FBP2: variants seen among roughly 807,000 people sequenced by gnomAD.
The protein encoded by FBP2 is fructose-bisphosphatase 2.
Under a neutral mutation model 31.6 loss-of-function variants are expected in FBP2, and 27 were observed. The observed-to-expected ratio is 0.85, with a 90% CI of 0.63 to 1.18. The LOEUF is 1.18. Among genes scored for constraint, FBP2 ranks in the 50% most tolerant of loss-of-function variants. FBP2 has a pLI of 0.00. For synonymous variants in FBP2, 168 were observed against 179.8 expected, an observed-to-expected ratio of 0.93 and a Z score of 0.53; for missense variants, 421 against 436.1, an observed-to-expected ratio of 0.97 and a Z score of 0.31.
chr9:94,564,711 A>G (rs1010444490), intron 5 of FBP2, among the ~76,000 whole-genome samples: 3 of 152,116 alleles, frequency 2.0e-5, no homozygotes, highest in African/African-American at 4.8e-5. Flanking sequence ...AGTATTGGAT[A>G]CCAGGTTTAG....
intron 3 of FBP2, among the ~76,000 whole-genome samples, chr9:94,581,595 T>C (rs1403039084): frequency 6.6e-6 from 1 of 152,072 alleles, no homozygotes; most frequent in Non-Finnish European, 1.5e-5. Context: ...CCTGGGAAGG[T>C]AACCATACCA....
At chr9:94,569,786 C>T (rs989347489) in intron 4 of FBP2, 1 of 152,178 alleles carries the variant, frequency 6.6e-6, no homozygotes, top group East Asian at 1.9e-4. Context: ...AGGAGGTGGT[C>T]TCTCTGTGCC....
intron 5 of FBP2, among the ~76,000 whole-genome samples, chr9:94,566,039 C>A (rs1240957968): frequency 6.6e-6 from 1 of 152,210 alleles, no homozygotes; most frequent in African/African-American, 2.4e-5. Flanking sequence ...CCGTAGAGTT[C>A]TTCTCCACCA....
At chr9:94,570,658 A>G (rs1392339034) in intron 4 of FBP2, 1 of 152,250 alleles carries the variant, frequency 6.6e-6, no homozygotes, top group Non-Finnish European at 1.5e-5. Flanking sequence ...TTGGGGCATT[A>G]GCAAACTGAC....
Position 94,559,043 on chromosome 9 carries a change from G to A in FBP2, c.915C>T (p.Asp305=), listed in dbSNP as rs560809669. The change falls in exon 7 of 7, where the codon GAC becomes GAT. Residue 305 remains aspartate (D), a synonymous_variant. Coordinates refer to ENST00000375337, the MANE Select transcript of FBP2 (RefSeq NM_003837.4). ...LATTGTQPVL[D]VKPEAIHQRV... ...GCTGGTGAATTGCCTCGGGCTTCAC[G>A]TCCAGTACAGGCTGGGTCCCCGTGG... 18 of 1,614,070 alleles carry A rather than the reference G, an allele frequency of 1.1e-5. No individual in the cohort carries two copies. The highest frequency in any genetic ancestry group is 4.5e-5 in the East Asian group (2 of 44,860).
At chr9:94,571,979 C>G (rs1284352981) in intron 3 of FBP2, among the ~76,000 whole-genome samples, 1 of 152,172 alleles carries the variant, frequency 6.6e-6, no homozygotes, top group Non-Finnish European at 1.5e-5. Flanking sequence ...CTCAACAGCC[C>G]TTTGGGGCAG....
intron 2 of FBP2, among the ~76,000 whole-genome samples, chr9:94,586,203 C>A (rs185710547): frequency 2.6e-5 from 4 of 152,006 alleles, no homozygotes; most frequent in Non-Finnish European, 5.9e-5. Context: ...GGCGAAACCC[C>A]GTCTCTACTA....
At chr9:94,565,289 C>T (rs955124281) in intron 5 of FBP2, among the ~76,000 whole-genome samples, 10 of 147,888 alleles carry the variant, frequency 6.8e-5, no homozygotes, top group African/African-American at 2.3e-4. Context: ...GCAGGAGAAT[C>T]GCTTGAACCA....
rs1827405483 is a variant in FBP2, at chr9:94,584,582, T to C, written c.421A>G (p.Arg141Gly). The C allele has an allele frequency of 6.2e-7, 1 of 1,607,162 alleles. No individual in the cohort carries two copies. Among genetic ancestry groups the C allele is most frequent in the Non-Finnish European group, 8.5e-7 (1 of 1,173,666 alleles). ...ATGTCAGCCTGTCTACTCACCTTTC[T>C]ATAGATGGCAAAGATGGTTCCGATG... The part of the protein sequence containing the change: ...ASIGTIFAIY[R>G]KTSEDEPSEK... Residue 141 changes from arginine (R) to glycine (G), a missense_variant, in exon 3 of 7, where the codon AGA becomes GGA. By Grantham distance (125) the Arg-to-Gly change is moderately radical (BLOSUM62 -2). Coordinates refer to ENST00000375337, the MANE Select transcript of FBP2 (RefSeq NM_003837.4).
chr9:94,582,845 GCCC>G (rs1220266900), intron 3 of FBP2, among the ~76,000 whole-genome samples: 1 of 136,802 alleles, frequency 7.3e-6, no homozygotes, highest in African/African-American at 2.8e-5. Context: ...ACCCTTCCCA[GCCC>G]CCTTTTTTTT....
intron 1 of FBP2, among the ~76,000 whole-genome samples, chr9:94,591,201 C>T (rs955712983): frequency 3.3e-5 from 5 of 152,252 alleles, no homozygotes; most frequent in African/African-American, 9.6e-5. Context: ...GGGGGTGGCG[C>T]TCGTCGGGGA....
chr9:94,592,526 G>A (rs1009632224), intron 1 of FBP2, among the ~76,000 whole-genome samples: 1 of 152,032 alleles, frequency 6.6e-6, no homozygotes, highest in African/African-American at 2.4e-5. Context: ...AGAAAGCTGG[G>A]GTTTTGTTTG....
chr9:94,561,686 A>G (rs1827106868), intron 6 of FBP2, among the ~76,000 whole-genome samples: 1 of 151,838 alleles, frequency 6.6e-6, no homozygotes, highest in South Asian at 2.1e-4. Flanking sequence ...TTTCTCTGCA[A>G]TTAAATCTAC....
chr9:94,583,296 C>T (rs1009228201), intron 3 of FBP2, among the ~76,000 whole-genome samples: 3 of 152,114 alleles, frequency 2.0e-5, no homozygotes, highest in African/African-American at 7.2e-5. Context: ...ACCCTCAGCC[C>T]CACAAGACAC....
chr9:94,589,583 C>T (rs908007856), intron 1 of FBP2, among the ~76,000 whole-genome samples: 1 of 152,222 alleles, frequency 6.6e-6, no homozygotes, highest in East Asian at 1.9e-4. Flanking sequence ...AAGGAATTTC[C>T]TTTGCCTACT....
At chr9:94,567,749 G>A (rs2993963) in intron 4 of FBP2, 4 of 222,104 alleles carry the variant, frequency 1.8e-5, no homozygotes, top group South Asian at 1.3e-4. Flanking sequence ...GTTCTCACCC[G>A]CAGATTAATG....
Position 94,593,596 on chromosome 9 carries a change from G to T in FBP2, c.131C>A (p.Ala44Asp). The T allele has an allele frequency of 1.2e-6, 2 of 1,614,130 alleles. No individual in the cohort carries two copies. Among genetic ancestry groups the T allele is most frequent in the Non-Finnish European group, 1.7e-6 (2 of 1,180,024 alleles). ...LLNSMLTAIKAISSAVRKAGL... is the reference protein window; with the variant it reads ...LLNSMLTAIKDISSAVRKAGL... ...GGCCTTGCGCACAGCCGAGGAGATGGCTTTGATGGCCGTCAGCATTGAGTT... is the reference window on the plus strand; with the variant it reads ...GGCCTTGCGCACAGCCGAGGAGATGTCTTTGATGGCCGTCAGCATTGAGTT... Residue 44 changes from alanine to aspartate, a missense_variant, in exon 1 of 7, where the codon GCC (alanine) becomes GAC (aspartate). Transcript: ENST00000375337.
At chr9:94,590,486 C>G (rs894686659) in intron 1 of FBP2, among the ~76,000 whole-genome samples, 4 of 152,262 alleles carry the variant, frequency 2.6e-5, no homozygotes, top group African/African-American at 9.6e-5. Context: ...TTGGTAGGTT[C>G]TTGGTCTCAC....
At chr9:94,582,600 T>A (rs1278018404) in intron 3 of FBP2, among the ~76,000 whole-genome samples, 3 of 147,106 alleles carry the variant, frequency 2.0e-5, no homozygotes, top group Non-Finnish European at 4.4e-5. Flanking sequence ...CAGGCTAGAG[T>A]GCAGTGGCGC....
Sources: allele counts gnomAD v4.1 joint callset (sites outside exome capture counted in the v4.1 genomes callset), GRCh38; gene constraint gnomAD v4.1.1; transcripts MANE v1.5; gene names NCBI Gene and HGNC (gene_info 2026-07-23, HGNC 2026-07-21).